The following PUDP variants were observed in gnomAD, a reference collection of about 807,000 sequenced individuals.
PUDP encodes pseudouridine 5'-phosphatase.
Under a neutral mutation model 9.4 loss-of-function variants are expected in PUDP, and 8 were observed. The ratio of observed to expected loss-of-function variants is 0.85; its 90% CI spans 0.50 to 1.53. The LOEUF (loss-of-function observed/expected upper bound fraction) is 1.53. PUDP is among the 40% of genes most tolerant of loss of function. The pLI is 0.00. For missense variants in PUDP, 188 were observed against 189.7 expected, an observed-to-expected ratio of 0.99 and a Z score of 0.05; for synonymous variants, 99 against 80.7, an observed-to-expected ratio of 1.23 and a Z score of -1.22.
chrX:7,075,943 G>A lies in PUDP; in HGVS notation c.510+1277C>T, dbSNP rs146466851. 8.1e-3 allele frequency among the ~76,000 whole-genome samples: 902 copies of A among 111,204 alleles called. 11 individuals carry two copies. Among genetic ancestry groups the A allele is most frequent in the African/African-American group, 0.028 (856 of 30,591 alleles). ...CAGAAGTACAGGTGGCCCCTGGAACGTGCAATGGGCGTCTTGTGGGACTGG... is the reference window on the plus strand; with the variant it reads ...CAGAAGTACAGGTGGCCCCTGGAACATGCAATGGGCGTCTTGTGGGACTGG... On this transcript the variant is annotated intron_variant, in intron 3 of 3. Transcript: ENST00000381077.
chrX:6,887,452 G>A (rs908922660), intron 3 of PUDP, among the ~76,000 whole-genome samples: 1 of 110,051 alleles, frequency 9.1e-6, no homozygotes, highest in Non-Finnish European at 1.9e-5. Flanking sequence ...CAACACTGGC[G>A]AAACATAAGA....
intron 2 of PUDP, among the ~76,000 whole-genome samples, chrX:7,104,065 A>G (rs1289195038): frequency 1.8e-5 from 2 of 112,368 alleles, no homozygotes; most frequent in Non-Finnish European, 3.8e-5. Context: ...AAGAGACTAG[A>G]AAGCAGGATC....
At chrX:6,975,934 T>C (rs1157951025) in intron 3 of PUDP, among the ~76,000 whole-genome samples, 1 of 112,401 alleles carries the variant, frequency 8.9e-6, no homozygotes, top group African/African-American at 3.2e-5. Context: ...GCAGTCTGGC[T>C]GCAGCAGCTT....
At chrX:6,730,151 G>C (rs979511157) in intron 3 of PUDP, among the ~76,000 whole-genome samples, 1 of 111,937 alleles carries the variant, frequency 8.9e-6, no homozygotes, top group Non-Finnish European at 1.9e-5. Context: ...TTGGTGCTTG[G>C]TAACAGTTTG....
intron 1 of PUDP, among the ~76,000 whole-genome samples, chrX:7,134,388 A>G (rs1381082831): frequency 8.9e-6 from 1 of 112,192 alleles, no homozygotes; most frequent in Non-Finnish European, 1.9e-5. Context: ...AGCGCCCAGG[A>G]GTAGAAGTTA....
intron 3 of PUDP, among the ~76,000 whole-genome samples, chrX:6,834,170 C>T (rs962203394): frequency 9.0e-6 from 1 of 111,541 alleles, no homozygotes; most frequent in Non-Finnish European, 1.9e-5. Context: ...ACAGGAAAAG[C>T]GAGAGTTTAA....
intron 3 of PUDP, among the ~76,000 whole-genome samples, chrX:6,937,157 A>G (rs1463040365): frequency 2.0e-4 from 16 of 80,241 alleles, no homozygotes; most frequent in Admixed American, 3.2e-4. Context: ...GAACCAAAAA[A>G]GAGCCCGCAT....
chrX:6,844,250 T>C (rs60384074), intron 3 of PUDP, among the ~76,000 whole-genome samples: 1,150 of 113,063 alleles, frequency 0.01, 17 homozygotes, highest in African/African-American at 0.034. Flanking sequence ...AGTTCAGCAA[T>C]TGATTAACAA....
intron 3 of PUDP, among the ~76,000 whole-genome samples, chrX:6,922,359 C>T (rs1241538592): frequency 2.7e-5 from 3 of 111,493 alleles, no homozygotes; most frequent in African/African-American, 9.8e-5. Context: ...AAAAACATCT[C>T]ATGTACAACA....
chrX:7,044,844 C>T (rs986382780), downstream of PUDP, among the ~76,000 whole-genome samples: 1 of 112,757 alleles, frequency 8.9e-6, no homozygotes, highest in Admixed American at 9.4e-5. Context: ...ATTTCAGCAA[C>T]TATCTCGTCT....
chrX:6,951,182 CT>C (rs1476523838), intron 3 of PUDP, among the ~76,000 whole-genome samples: 4 of 110,730 alleles, frequency 3.6e-5, no homozygotes, highest in Non-Finnish European at 7.6e-5. Flanking sequence ...TAAAATCTAT[CT>C]CATTTATCTA....
At chrX:6,871,197 T>G (rs1204844304) in intron 3 of PUDP, among the ~76,000 whole-genome samples, 2 of 111,414 alleles carry the variant, frequency 1.8e-5, no homozygotes, top group African/African-American at 6.5e-5. Context: ...CAACTCCTCA[T>G]GGAATCAAGC....
intron 1 of PUDP, among the ~76,000 whole-genome samples, chrX:7,031,863 T>C (rs1354971191): frequency 8.9e-6 from 1 of 111,765 alleles, no homozygotes; most frequent in Non-Finnish European, 1.9e-5. Context: ...AAAACAAAGG[T>C]AGACAAAGAC....
At chrX:6,992,295 C>T (rs1413595372) in intron 1 of PUDP, among the ~76,000 whole-genome samples, 7 of 59,306 alleles carry the variant, frequency 1.2e-4, no homozygotes, top group African/African-American at 4.2e-4. Flanking sequence ...TTTTTTGAGA[C>T]GGAGTCTCGC....
intron 3 of PUDP, among the ~76,000 whole-genome samples, chrX:6,805,686 ATT>A (rs1337010633): frequency 9.9e-6 from 1 of 100,669 alleles, no homozygotes; most frequent in Non-Finnish European, 2.0e-5. Context: ...CACGGGGCTA[ATT>A]TTTTTTTTTT....
chrX:6,971,660 G>A (rs1928879770), intron 3 of PUDP, among the ~76,000 whole-genome samples: 1 of 108,899 alleles, frequency 9.2e-6, no homozygotes, highest in African/African-American at 3.3e-5. Flanking sequence ...TCCTGACTTC[G>A]TGATCTGCCC....
In PUDP at chrX:7,013,897, G is replaced by C. The variant is rs751721955; in HGVS notation, c.205-35554C>G. On this transcript the variant is annotated intron_variant and NMD_transcript_variant, in intron 1 of 3. Coordinates refer to the PUDP transcript ENST00000655425. ...TTTCACAAGGGCAGAGGGCCAGTGT[G>C]ACAGCTTTCTGTATTCCCAGCTTTT... 6.2e-5 allele frequency among the ~76,000 whole-genome samples: 7 copies of C among 112,073 alleles called. No homozygotes were observed. In the East Asian group the frequency reaches 1.7e-3, roughly 27 times the overall value.
At chrX:6,825,857 A>G (rs886554052) in intron 3 of PUDP, among the ~76,000 whole-genome samples, 4 of 111,324 alleles carry the variant, frequency 3.6e-5, no homozygotes, top group East Asian at 2.9e-4. Flanking sequence ...AACAGGGGTT[A>G]TTTCTTATAG....
chrX:7,060,492 A>G (rs1930370007), intron 3 of PUDP, among the ~76,000 whole-genome samples: 1 of 112,120 alleles, frequency 8.9e-6, no homozygotes, highest in Non-Finnish European at 1.9e-5. Flanking sequence ...GGAACTGGGG[A>G]CCTGCCATGT....
Sources: allele counts gnomAD v4.1 joint callset (sites outside exome capture counted in the v4.1 genomes callset), GRCh38; gene constraint gnomAD v4.1.1; transcripts MANE v1.5; gene names NCBI Gene and HGNC (gene_info 2026-07-23, HGNC 2026-07-21).